Variants in ASH1L observed in about 807,000 individuals in gnomAD.
ASH1L encodes histone-lysine N-methyltransferase ASH1L.
A neutral mutation model predicts 269.0 loss-of-function variants in ASH1L; 23 were observed. The ratio of observed to expected loss-of-function variants is 0.09; its 90% CI spans 0.06 to 0.12. ASH1L has a LOEUF of 0.12. Among genes scored for constraint, ASH1L ranks in the 10% least tolerant of loss-of-function variants. The pLI is 1.00. For missense variants in ASH1L, 2,912 were observed against 3,567.8 expected, an observed-to-expected ratio of 0.82 and a Z score of 4.68; for synonymous variants, 1,187 against 1,253.5, an observed-to-expected ratio of 0.95 and a Z score of 1.12.
chr1:155,366,386 T>A (rs115373554), intron 12 of ASH1L, among the ~76,000 whole-genome samples: 131 of 152,292 alleles, frequency 8.6e-4, no homozygotes, highest in African/African-American at 2.9e-3. Flanking sequence ...TAGCATATAA[T>A]CTATAAAGAA....
intron 4 of ASH1L, among the ~76,000 whole-genome samples, chr1:155,445,308 C>G (rs1226295189): frequency 6.6e-6 from 1 of 151,988 alleles, no homozygotes; most frequent in African/African-American, 2.4e-5. Flanking sequence ...CTCAGCCTCC[C>G]GAGTAGCTGG....
intron 2 of ASH1L, among the ~76,000 whole-genome samples, chr1:155,488,943 T>TA (rs1362221944): frequency 6.6e-6 from 1 of 152,170 alleles, no homozygotes; most frequent in African/African-American, 2.4e-5. Context: ...CTTTCATGAA[T>TA]AAAGACTTTA....
At chr1:155,339,954 C>CATAAGATTAT (rs1235635762) in intron 25 of ASH1L, among the ~76,000 whole-genome samples, 1 of 152,044 alleles carries the variant, frequency 6.6e-6, no homozygotes. Flanking sequence ...CTTACGGGAT[C>CATAAGATTAT]ACCGTTGTAT....
intron 5 of ASH1L, among the ~76,000 whole-genome samples, chr1:155,425,883 T>C (rs1028176279): frequency 2.9e-5 from 4 of 137,376 alleles, no homozygotes; most frequent in Admixed American, 8.3e-5. Flanking sequence ...TGGCCTAATT[T>C]TTTTTGTGGT....
At chr1:155,451,379 A>G (rs1201154719) in intron 4 of ASH1L, among the ~76,000 whole-genome samples, 1 of 152,174 alleles carries the variant, frequency 6.6e-6, no homozygotes, top group Non-Finnish European at 1.5e-5. Flanking sequence ...ACAGAGTTTC[A>G]GTTTTGCAAG....
In ASH1L at chr1:155,384,754, G is replaced by A. The variant is rs1657280039; in HGVS notation, c.6104-4638C>T. Among the ~76,000 whole-genome samples, 3 of 152,106 alleles carry A rather than the reference G, an allele frequency of 2.0e-5. No individual in the cohort carries two copies. The South Asian group carries it at 6.2e-4, about 32-fold the overall frequency. The stretch of plus-strand genomic sequence containing the variant: ...TGTGTCTCGGCATATATTTGTTTGA[G>A]TTTATCCTGTTCGGAGTCTGCTAAT... On this transcript the variant is annotated intron_variant, in intron 7 of 27. Coordinates refer to ENST00000392403, the MANE Select transcript of ASH1L (RefSeq NM_018489.3).
chr1:155,556,488 A>T (rs1031762636), intron 1 of ASH1L, among the ~76,000 whole-genome samples: 2 of 151,836 alleles, frequency 1.3e-5, no homozygotes, highest in African/African-American at 4.8e-5. Context: ...TCTGTCACCC[A>T]GGCTGGAGTG....
intron 6 of ASH1L, 24 bp downstream of exon 6, chr1:155,415,720 T>C: frequency 1.3e-6 from 2 of 1,596,730 alleles, no homozygotes; most frequent in East Asian, 2.2e-5. Context: ...AAAGGGATGT[T>C]AGCTAATAGG....
At chr1:155,359,414 C>A (rs1654734318) in intron 13 of ASH1L, among the ~76,000 whole-genome samples, 1 of 152,014 alleles carries the variant, frequency 6.6e-6, no homozygotes, top group Non-Finnish European at 1.5e-5. Flanking sequence ...GTAGCTGGGA[C>A]TACAAGCATG....
rs372716651 is a variant in ASH1L, at chr1:155,339,481, CTTTGT to C, written c.8461-118_8461-114del. 5.1e-4 allele frequency: 438 copies of C among 858,846 alleles called. 1 individual carries two copies. In the African/African-American group the frequency reaches 5.7e-3, roughly 11 times the overall value. The allele number at this position is 858,846 out of a possible 1,614,324, so 53.2% of individuals were successfully genotyped here. On this transcript the variant is annotated intron_variant, in intron 25 of 27. Coordinates refer to ENST00000392403, the MANE Select transcript of ASH1L (RefSeq NM_018489.3). ...GTAGGGCAGTAGACAAGTTGGGTGACTTTGTTTTAAGATGAGAAATTTAGTACTTC... is the reference window on the plus strand; with the variant it reads ...GTAGGGCAGTAGACAAGTTGGGTGACTTTAAGATGAGAAATTTAGTACTTC...
chr1:155,406,904 CCT>C (rs752359689), intron 6 of ASH1L, among the ~76,000 whole-genome samples: 8 of 151,948 alleles, frequency 5.3e-5, no homozygotes, highest in African/African-American at 9.7e-5. Flanking sequence ...TAGAATTTCC[CCT>C]GATAGAAAAT....
chr1:155,480,781 C>T lies in ASH1L; in HGVS notation c.2089G>A (p.Ala697Thr). ...VSASDKHCQV[A>T]ESLSTSLQSK... ...TGCAAACTAGTACTTAGGCTTTCAG[C>T]AACTTGGCAGTGTTTGTCTGATGCA... Residue 697 changes from alanine (A) to threonine (T), a missense_variant, in exon 3 of 28, where the codon GCT (alanine) becomes ACT (threonine). By Grantham distance (58) the Ala-to-Thr change is moderately conservative. Around this residue, in one of 13 missense-constraint regions of ASH1L, gnomAD observed 715 missense variants for 721.0 expected, o/e 0.99. Transcript: ENST00000392403. 1.2e-6 allele frequency: 2 copies of T among 1,613,854 alleles called. No homozygotes were observed. Among genetic ancestry groups the T allele is most frequent in the African/African-American group, 1.3e-5 (1 of 75,006 alleles).
intron 3 of ASH1L, among the ~76,000 whole-genome samples, chr1:155,470,230 G>A (rs906969369): frequency 7.9e-5 from 12 of 152,018 alleles, no homozygotes; most frequent in Admixed American, 5.9e-4. Context: ...AAGCCGAGGC[G>A]GGTGGATCAC....
chr1:155,368,943 C>T (rs1655680668), intron 12 of ASH1L, among the ~76,000 whole-genome samples: 1 of 152,104 alleles, frequency 6.6e-6, no homozygotes, highest in Non-Finnish European at 1.5e-5. Flanking sequence ...AGACGCCAGA[C>T]ACAAAAGAAT....
intron 6 of ASH1L, among the ~76,000 whole-genome samples, chr1:155,414,555 C>T (rs989768175): frequency 3.3e-5 from 5 of 152,148 alleles, no homozygotes; most frequent in African/African-American, 4.8e-5. Flanking sequence ...GTGATCCACC[C>T]GCCCTGGCCT....
chr1:155,379,962 G>C (rs1052429319), intron 8 of ASH1L, 81 bp downstream of exon 8: 13 of 1,011,492 alleles, frequency 1.3e-5, no homozygotes, highest in African/African-American at 1.6e-5. Flanking sequence ...AACATAACAA[G>C]GGGAGAGAAA....
chr1:155,479,615 T>G lies in ASH1L; in HGVS notation c.3255A>C (p.Leu1085Phe), dbSNP rs2148724149. Residue 1085 changes from leucine to phenylalanine, a missense_variant, in exon 3 of 28, where the codon TTA becomes TTC. Leu to Phe is a conservative substitution (Grantham distance 22). Transcript: ENST00000392403. The part of the protein sequence containing the change: ...QTAQQAAGSA[L>F]GQILPPLLPS... ...GCAGTAATGGGGGAAGAATCTGTCC[T>G]AATGCTGACCCAGCTGCCTGTTGAG... The G allele has an allele frequency of 6.2e-7, 1 of 1,614,250 alleles. No individual in the cohort carries two copies. Among genetic ancestry groups the G allele is most frequent in the Non-Finnish European group, 8.5e-7 (1 of 1,180,040 alleles).
chr1:155,360,324 G>A lies in ASH1L; in HGVS notation c.6772C>T (p.His2258Tyr). 6.2e-7 allele frequency: 1 copy of A among 1,612,570 alleles called. No individual in the cohort carries two copies. The highest frequency in any genetic ancestry group is 8.5e-7 in the Non-Finnish European group (1 of 1,178,616). The part of the protein sequence containing the change: ...GTELTYDYNF[H>Y]SFNVEKQQLC... Reference sequence around the variant, plus strand: ...ACCTGTTTTTCCACATTGAAGGAATGAAAGTTATAATCATAAGTGAGTTCA... The same window carrying A: ...ACCTGTTTTTCCACATTGAAGGAATAAAAGTTATAATCATAAGTGAGTTCA... Residue 2258 changes from histidine (H) to tyrosine (Y), a missense_variant, in exon 13 of 28, where the codon CAT becomes TAT. Physicochemically the swap from His to Tyr is moderately conservative, Grantham distance 83. Transcript: ENST00000392403.
chr1:155,502,009 A>T (rs531300294), intron 2 of ASH1L, among the ~76,000 whole-genome samples: 10 of 152,072 alleles, frequency 6.6e-5, no homozygotes, highest in African/African-American at 2.4e-4. Flanking sequence ...TATTTTTAGC[A>T]AATGAGAGAA....
Sources: allele counts gnomAD v4.1 joint callset (sites outside exome capture counted in the v4.1 genomes callset), GRCh38; gene constraint gnomAD v4.1.1; regional missense constraint gnomAD v4.1.1; transcripts MANE v1.5; gene names NCBI Gene and HGNC (gene_info 2026-07-23, HGNC 2026-07-21).